FREM3: variants seen among roughly 807,000 people sequenced by gnomAD.
The protein encoded by FREM3 is FRAS1 related extracellular matrix 3.
A neutral mutation model predicts 129.1 loss-of-function variants in FREM3; 105 were observed. That is an observed-to-expected ratio of 0.81 (90% CI 0.69 to 0.96). The LOEUF is 0.96. Ranked by LOEUF, FREM3 falls within the 40% of genes least tolerant of loss-of-function variation. FREM3 has a pLI of 0.00. For synonymous variants in FREM3, 1,014 were observed against 1,044.9 expected, an observed-to-expected ratio of 0.97 and a Z score of 0.57; for missense variants, 2,593 against 2,666.3, an observed-to-expected ratio of 0.97 and a Z score of 0.61.
intron 2 of FREM3, among the ~76,000 whole-genome samples, chr4:143,692,221 A>G (rs376821073): frequency 2.2e-4 from 33 of 152,294 alleles, no homozygotes; most frequent in African/African-American, 7.7e-4. Context: ...CACTTTATAC[A>G]TGGGGGAATG....
intron 2 of FREM3, among the ~76,000 whole-genome samples, chr4:143,642,194 A>T (rs1739332258): frequency 6.6e-6 from 1 of 152,222 alleles, no homozygotes; most frequent in African/African-American, 2.4e-5. Flanking sequence ...TCTGGATTCT[A>T]AGTATTAGTA....
chr4:143,582,437 G>A (rs1738163508), intron 7 of FREM3, among the ~76,000 whole-genome samples: 1 of 151,616 alleles, frequency 6.6e-6, no homozygotes, highest in African/African-American at 2.4e-5. Flanking sequence ...GTGAAACCAA[G>A]GACAAGAATT....
chr4:143,594,324 C>G (rs1014396964), intron 6 of FREM3, among the ~76,000 whole-genome samples: 36 of 152,306 alleles, frequency 2.4e-4, no homozygotes, highest in Admixed American at 2.0e-3. Flanking sequence ...GTCGCTCACG[C>G]TGGGAGCTGT....
At chr4:143,627,069 G>A (rs1039960327) in intron 3 of FREM3, among the ~76,000 whole-genome samples, 1 of 152,098 alleles carries the variant, frequency 6.6e-6, no homozygotes, top group Non-Finnish European at 1.5e-5. Flanking sequence ...CCGGCATTAT[G>A]TATGTGTTTA....
chr4:143,581,059 G>A lies in FREM3; in HGVS notation c.6179-3207C>T, dbSNP rs538540434. Among the ~76,000 whole-genome samples the A allele has an allele frequency of 3.9e-5, 6 of 152,280 alleles. No homozygotes were observed. The South Asian group carries it at 6.2e-4, about 16-fold the overall frequency. ...GCTCCACAACCCCAGCTCCTGCTGC[G>A]CTCAGGCTTGGGAGGGAGCAAAGAG... On this transcript the variant is annotated intron_variant, in intron 7 of 7. Transcript: ENST00000329798.
At chr4:143,641,491 G>T (rs1373612954) in intron 2 of FREM3, among the ~76,000 whole-genome samples, 2 of 152,136 alleles carry the variant, frequency 1.3e-5, no homozygotes, top group Non-Finnish European at 2.9e-5. Context: ...TTCTTTTTGA[G>T]GTTTAATAAA....
Position 143,644,240 on chromosome 4 carries a change from C to T in FREM3, c.5276-16480G>A, listed in dbSNP as rs185670011. Among the ~76,000 whole-genome samples, 10 of 152,056 alleles carry T rather than the reference C, an allele frequency of 6.6e-5. No individual in the cohort carries two copies. The South Asian group carries it at 8.3e-4, about 13-fold the overall frequency. On this transcript the variant is annotated intron_variant, in intron 2 of 7. Coordinates refer to ENST00000329798, the MANE Select transcript of FREM3 (RefSeq NM_001168235.2). ...GCACACGTGTTTCTTTTCCCAGGGC[C>T]GCTTTCTGTTTCTTTTATCTTGCCC... is the stretch of plus-strand genomic sequence containing the variant.
intron 5 of FREM3, 21 bp downstream of exon 5, chr4:143,621,016 G>A: frequency 6.5e-7 from 1 of 1,536,130 alleles, no homozygotes; most frequent in Non-Finnish European, 8.7e-7. Context: ...CCTATGAACA[G>A]GACCCCACAG....
intron 6 of FREM3, among the ~76,000 whole-genome samples, chr4:143,590,823 C>T (rs911536831): frequency 6.6e-6 from 1 of 152,118 alleles, no homozygotes; most frequent in African/African-American, 2.4e-5. Context: ...GTACCAGCTC[C>T]TCCTTGTACC....
chr4:143,611,247 G>C (rs1043944157), intron 6 of FREM3, 32 bp downstream of exon 6: 12 of 1,516,892 alleles, frequency 7.9e-6, no homozygotes, highest in Non-Finnish European at 1.1e-5. Flanking sequence ...GGCAGCTATT[G>C]CCAAAGGTTG....
intron 2 of FREM3, among the ~76,000 whole-genome samples, chr4:143,650,476 C>G (rs1364011255): frequency 4.6e-5 from 7 of 152,158 alleles, no homozygotes; most frequent in Admixed American, 4.6e-4. Flanking sequence ...GAATGGTGAA[C>G]ATGGAATTGC....
intron 1 of FREM3, among the ~76,000 whole-genome samples, chr4:143,693,841 G>A (rs775537029): frequency 6.6e-6 from 1 of 152,052 alleles, no homozygotes; most frequent in African/African-American, 2.4e-5. Context: ...TAGAGCTGGA[G>A]GCTATTATCC....
At chr4:143,691,925 AT>A (rs1560874624) in intron 2 of FREM3, among the ~76,000 whole-genome samples, 1 of 152,168 alleles carries the variant, frequency 6.6e-6, no homozygotes, top group Non-Finnish European at 1.5e-5. Context: ...AAAGGTGTAA[AT>A]TCATCTTTTT....
Position 143,697,211 on chromosome 4 carries a change from A to T in FREM3, c.3465T>A (p.Ile1155=). ...QVRHINYVQS[I]HKGVEPQEDQ... Reference sequence around the variant, plus strand: ...CCTCTTGTGGCTCTACTCCCTTGTGAATACTCTGTACATAATTGATATGCC... The same window carrying T: ...CCTCTTGTGGCTCTACTCCCTTGTGTATACTCTGTACATAATTGATATGCC... Residue 1155 remains isoleucine (I), a synonymous_variant, in exon 1 of 8, where the codon ATT becomes ATA. Transcript: ENST00000329798. The T allele has an allele frequency of 6.5e-7, 1 of 1,537,796 alleles. No homozygotes were observed. The highest frequency in any genetic ancestry group is 8.7e-7 in the Non-Finnish European group (1 of 1,146,992).
chr4:143,625,790 C>A (rs567283404), intron 3 of FREM3, among the ~76,000 whole-genome samples: 3 of 152,282 alleles, frequency 2.0e-5, no homozygotes, highest in Admixed American at 2.0e-4. Flanking sequence ...TTGGGAGAGG[C>A]AAACAGATAA....
intron 2 of FREM3, among the ~76,000 whole-genome samples, chr4:143,675,241 C>G (rs1268062866): frequency 1.3e-4 from 20 of 152,124 alleles, no homozygotes; most frequent in Non-Finnish European, 2.8e-4. Flanking sequence ...GAAACTCACT[C>G]AAAACCGCTC....
At chr4:143,666,731 G>A (rs1739869554) in intron 2 of FREM3, among the ~76,000 whole-genome samples, 1 of 152,062 alleles carries the variant, frequency 6.6e-6, no homozygotes, top group Non-Finnish European at 1.5e-5. Flanking sequence ...GGAGAAAGGG[G>A]GAGTATTACT....
intron 6 of FREM3, among the ~76,000 whole-genome samples, chr4:143,598,581 G>A (rs1738521770): frequency 6.6e-6 from 1 of 151,916 alleles, no homozygotes; most frequent in South Asian, 2.1e-4. Context: ...TCAAAGAAAA[G>A]CTTGGAGCTC....
In FREM3 at chr4:143,696,283, T is replaced by C; in HGVS notation, c.4393A>G (p.Thr1465Ala). 6.5e-7 allele frequency: 1 copy of C among 1,537,662 alleles called. No individual in the cohort carries two copies. ...NSSDEHHFSI[T>A]RAPSLGHLES... ...AAGTGACCCAGGCTTGGAGCCCGTG[T>C]AATGCTAAAGTGATGTTCATCAGAG... The change falls in exon 1 of 8, where the codon ACA becomes GCA. Residue 1465 changes from threonine to alanine, a missense_variant. By Grantham distance (58) the Thr-to-Ala change is moderately conservative. Around this residue, in one of 2 missense-constraint regions of FREM3, gnomAD observed 2,276 missense variants for 2,267.2 expected, o/e 1.00. Coordinates refer to ENST00000329798, the MANE Select transcript of FREM3 (RefSeq NM_001168235.2).
Sources: allele counts gnomAD v4.1 joint callset (sites outside exome capture counted in the v4.1 genomes callset), GRCh38; gene constraint gnomAD v4.1.1; regional missense constraint gnomAD v4.1.1; transcripts MANE v1.5; gene names NCBI Gene and HGNC (gene_info 2026-07-23, HGNC 2026-07-21).